The following EPS15L1 variants were observed in gnomAD, a reference collection of about 807,000 sequenced individuals.
EPS15L1 encodes the protein epidermal growth factor receptor substrate 15-like 1.
EPS15L1 carries 43 observed loss-of-function variants against 117.1 expected under a neutral mutation model. The observed-to-expected ratio is 0.37, with a 90% CI of 0.29 to 0.47. The LOEUF is 0.47. Among genes scored for constraint, EPS15L1 ranks in the 20% least tolerant of loss-of-function variants. EPS15L1 has a pLI of 0.99. For synonymous variants in EPS15L1, 459 were observed against 470.5 expected (o/e 0.98, Z 0.32); for missense variants, 981 against 1,164.0 (o/e 0.84, Z 2.29).
At chr19:16,413,514 G>C in intron 13 of EPS15L1, 3 of 709,570 alleles carry the variant, frequency 4.2e-6, no homozygotes, top group Non-Finnish European at 7.2e-6. Flanking sequence ...TGACCACCTT[G>C]TCAAGACCTA....
intron 21 of EPS15L1, among the ~76,000 whole-genome samples, chr19:16,379,808 A>T (rs1427200620): frequency 1.3e-5 from 2 of 152,082 alleles, no homozygotes; most frequent in Non-Finnish European, 2.9e-5. Context: ...GTATCTAGTC[A>T]CACAGATGTG....
At chr19:16,455,365 ATCC>A (rs1326123695) in intron 1 of EPS15L1, among the ~76,000 whole-genome samples, 1 of 152,058 alleles carries the variant, frequency 6.6e-6, no homozygotes, top group Non-Finnish European at 1.5e-5. Context: ...GCCTCAAGCA[ATCC>A]TCCTGCCTTG....
At chr19:16,442,036 G>T in intron 2 of EPS15L1, 55 bp from the exon 3 acceptor site, 1 of 1,523,906 alleles carries the variant, frequency 6.6e-7, no homozygotes, top group Non-Finnish European at 9.1e-7. Context: ...AGCAGCAGGT[G>T]AAGTGGCACC....
At chr19:16,462,747 TG>T (rs1300134597) in intron 1 of EPS15L1, among the ~76,000 whole-genome samples, 2 of 152,034 alleles carry the variant, frequency 1.3e-5, no homozygotes, top group Non-Finnish European at 2.9e-5. Context: ...GCTGTGAAGA[TG>T]GTGGTGGGAG....
At chr19:16,386,368 C>T in intron 19 of EPS15L1, 137 bp from the exon 20 acceptor site, 2 of 703,356 alleles carry the variant, frequency 2.8e-6, no homozygotes, top group East Asian at 2.8e-5. Context: ...TAAAACTCAA[C>T]CCAGGCAGAG....
At chr19:16,431,609 A>G (rs1008042936) in intron 7 of EPS15L1, among the ~76,000 whole-genome samples, 2 of 152,164 alleles carry the variant, frequency 1.3e-5, no homozygotes, top group South Asian at 2.1e-4. Flanking sequence ...GCCAGAAGGA[A>G]TAAGTTCTAA....
At chr19:16,402,110 CT>C in intron 16 of EPS15L1, 2 of 1,341,850 alleles carry the variant, frequency 1.5e-6, no homozygotes, top group Non-Finnish European at 1.9e-6. Flanking sequence ...CTATCTTGGA[CT>C]TTGTTCTGGA....
rs2091971526 is a variant in EPS15L1, at chr19:16,355,737, C to T, written c.2701G>A (p.Ala901Thr). The change falls in exon 24 of 24, where the codon GCG (alanine) becomes ACG (threonine). Residue 901 changes from alanine (A) to threonine (T), a missense_variant. By Grantham distance (58) the Ala-to-Thr change is moderately conservative. Coordinates refer to ENST00000455140, the MANE Select transcript of EPS15L1 (RefSeq NM_001258374.3). ...GCAGGCATGTCAGCCTTGCTGAGCG[C>T]GATGGCCAGTTCCAGGTCCTCCTGC... Reference protein sequence around the residue: ...QEQEDLELAIALSKADMPAA With the variant: ...QEQEDLELAITLSKADMPAA 1 of 1,535,990 alleles carries T rather than the reference C, an allele frequency of 6.5e-7. No individual in the cohort carries two copies. The highest frequency in any genetic ancestry group is 8.7e-7 in the Non-Finnish European group (1 of 1,146,794).
intron 16 of EPS15L1, chr19:16,402,097 G>A: frequency 2.3e-6 from 3 of 1,322,704 alleles, no homozygotes. Context: ...AAAGGATCCA[G>A]GCCTATCTTG....
intron 1 of EPS15L1, among the ~76,000 whole-genome samples, chr19:16,468,303 C>T (rs902744649): frequency 6.6e-6 from 1 of 152,034 alleles, no homozygotes; most frequent in African/African-American, 2.4e-5. Context: ...GGAAAGGGAC[C>T]CAGCAAGGTT....
In EPS15L1 at chr19:16,365,801, G is replaced by A. The variant is rs569418356; in HGVS notation, c.2381-3817C>T. Among the ~76,000 whole-genome samples, 19 of 152,320 alleles carry A rather than the reference G, an allele frequency of 1.2e-4. No homozygotes were observed. The highest frequency in any genetic ancestry group is 3.6e-4 in the African/African-American group (15 of 41,572). ...GCTGAGGGTCAGCTCTGTGAAAAGC[G>A]GGCCCAGCATACCACAAATGCCAGC... is the stretch of plus-strand genomic sequence containing the variant. On this transcript the variant is annotated intron_variant, in intron 22 of 23. Coordinates refer to ENST00000455140, the MANE Select transcript of EPS15L1 (RefSeq NM_001258374.3). This position sits in a 1 kb window ranked among gnomAD's most constrained non-coding sequence, Gnocchi z 4.9.
intron 22 of EPS15L1, among the ~76,000 whole-genome samples, chr19:16,372,427 A>C (rs1207981446): frequency 1.3e-5 from 2 of 152,238 alleles, no homozygotes; most frequent in Non-Finnish European, 2.9e-5. Context: ...ATGGCACCAA[A>C]GCCACACGTG....
chr19:16,393,885 A>T, intron 18 of EPS15L1, 66 bp downstream of exon 18: 1 of 1,490,238 alleles, frequency 6.7e-7, no homozygotes. Flanking sequence ...AAGTCCCACC[A>T]CATGCGACTT....
chr19:16,443,004 G>A (rs1334348587), intron 1 of EPS15L1, among the ~76,000 whole-genome samples: 1 of 152,160 alleles, frequency 6.6e-6, no homozygotes, highest in Non-Finnish European at 1.5e-5. Context: ...GGGAAGGGGA[G>A]GGACACCCAG....
At chr19:16,462,144 C>G (rs528855637) in intron 1 of EPS15L1, among the ~76,000 whole-genome samples, 1 of 152,170 alleles carries the variant, frequency 6.6e-6, no homozygotes, top group Non-Finnish European at 1.5e-5. Flanking sequence ...GTTGTTTTAC[C>G]TCTCTCCCTC....
chr19:16,454,133 T>TC (rs1416629045), intron 1 of EPS15L1, among the ~76,000 whole-genome samples: 17 of 152,156 alleles, frequency 1.1e-4, no homozygotes, highest in Admixed American at 5.2e-4. Context: ...TTCGCTGTTT[T>TC]CCCCCCTTGA....
Position 16,393,952 on chromosome 19 carries a change from T to C in EPS15L1, c.1965A>G (p.Thr655=), listed in dbSNP as rs763212838. Residue 655 remains threonine (T), a splice_region_variant and synonymous_variant, in exon 18 of 24, where the codon ACA becomes ACG. Coordinates refer to ENST00000455140, the MANE Select transcript of EPS15L1 (RefSeq NM_001258374.3). ...DPFAEQQTTS[T]DPFGGDPFKE... ...GGTCCGGGAAACACTGAATTTTACC[T>C]GTTGAAGTTGTCTGCTGTTCTGCAA... 6.2e-7 allele frequency: 1 copy of C among 1,613,906 alleles called. No homozygotes were observed. Among genetic ancestry groups the C allele is most frequent in the Non-Finnish European group, 8.5e-7 (1 of 1,179,938 alleles).
At chr19:16,444,490 C>G (rs923154104) in intron 1 of EPS15L1, among the ~76,000 whole-genome samples, 4 of 152,058 alleles carry the variant, frequency 2.6e-5, no homozygotes, top group Non-Finnish European at 5.9e-5. Context: ...TGGGCTCAAA[C>G]TCCAGCTTAT....
chr19:16,468,502 T>C (rs937456328), intron 1 of EPS15L1, among the ~76,000 whole-genome samples: 16 of 150,268 alleles, frequency 1.1e-4, no homozygotes, highest in African/African-American at 3.7e-4. Context: ...TTTGCCACTA[T>C]GCCTGGCTAA....
Sources: gnomAD v4.1 joint callset for allele counts (sites outside exome capture counted in the v4.1 genomes callset) on GRCh38, gnomAD v4.1.1 for gene constraint, Gnocchi (gnomAD v3.1) non-coding constraint, MANE v1.5 for transcripts, NCBI Gene and HGNC (gene_info 2026-07-23, HGNC 2026-07-21) for gene names.